DNAH6: variants seen among roughly 807,000 people sequenced by gnomAD.
The protein encoded by DNAH6 is axonemal beta dynein heavy chain 6.
A neutral mutation model predicts 491.4 loss-of-function variants in DNAH6; 340 were observed. That is an observed-to-expected ratio of 0.69 (90% CI 0.63 to 0.76). The LOEUF (loss-of-function observed/expected upper bound fraction) is 0.76. DNAH6 is among the 30% of genes least tolerant of loss of function. The pLI is 0.00. For synonymous variants in DNAH6, 1,603 were observed against 1,686.1 expected, an observed-to-expected ratio of 0.95 and a Z score of 1.21; for missense variants, 4,443 against 4,972.2, an observed-to-expected ratio of 0.89 and a Z score of 3.20.
intron 2 of DNAH6, among the ~76,000 whole-genome samples, chr2:84,522,013 G>A (rs1676192230): frequency 6.6e-6 from 1 of 152,094 alleles, no homozygotes; most frequent in African/African-American, 2.4e-5. Context: ...TGTGAAGAAT[G>A]TCATTTGTGT....
At chr2:84,598,116 T>A (rs1558773653) in intron 18 of DNAH6, among the ~76,000 whole-genome samples, 6 of 151,780 alleles carry the variant, frequency 4.0e-5, no homozygotes, top group Non-Finnish European at 5.9e-5. Context: ...TCGTGGTTCT[T>A]TCTATCTTTC....
At chr2:84,771,187 CTGAGGCAGGAGAACCACTTGAATCTG>C (rs1156341076) in intron 64 of DNAH6, among the ~76,000 whole-genome samples, 12 of 151,802 alleles carry the variant, frequency 7.9e-5, no homozygotes, top group Non-Finnish European at 1.6e-4. Flanking sequence ...ACTCAGGAGA[CTGAGGCAGGAGAACCACTTGAATCTG>C]GGAGGCAGAG....
intron 29 of DNAH6, among the ~76,000 whole-genome samples, chr2:84,630,644 G>A (rs1250408288): frequency 6.6e-6 from 1 of 152,224 alleles, no homozygotes; most frequent in Non-Finnish European, 1.5e-5. Flanking sequence ...CAAATGCAAT[G>A]TTTGTACCTT....
the DNAH6 span, among the ~76,000 whole-genome samples, chr2:84,474,880 A>G: frequency 6.6e-6 from 1 of 152,162 alleles, no homozygotes; most frequent in African/African-American, 2.4e-5. Context: ...GTTACTGTGC[A>G]AATAGGTTTT....
intron 11 of DNAH6, among the ~76,000 whole-genome samples, chr2:84,570,276 G>A (rs1681645966): frequency 1.3e-5 from 2 of 152,190 alleles, no homozygotes; most frequent in Admixed American, 6.5e-5. Flanking sequence ...TGGGTTGAGT[G>A]GGGACTTGGG....
chr2:84,805,591 A>G (rs1679339047), intron 70 of DNAH6, 74 bp from the exon 71 acceptor site: 1 of 1,358,948 alleles, frequency 7.4e-7, no homozygotes, highest in Non-Finnish European at 9.8e-7. Context: ...ACTTTTGTAA[A>G]TAATTATGTG....
chr2:84,727,950 C>G lies in DNAH6; in HGVS notation c.10206+48C>G, dbSNP rs1406139797. 4 of 1,204,074 alleles carry G rather than the reference C, an allele frequency of 3.3e-6. No individual in the cohort carries two copies. In the Admixed American group the frequency reaches 8.1e-5, roughly 24 times the overall value. 74.6% of individuals were successfully genotyped at this position (1,204,074 alleles called of 1,614,324 possible). A position where few individuals can be genotyped will look rare whatever the true frequency, so the allele number is the denominator to read the frequency against. On this transcript the variant is annotated intron_variant, in intron 61 of 76. Coordinates refer to ENST00000389394, the MANE Select transcript of DNAH6 (RefSeq NM_001370.2). ...ATGATTGATATGGTTTGGCTGTGTC[C>G]CCACCCAAATCTCATTTTGAATTGT... is the stretch of plus-strand genomic sequence containing the variant.
chr2:84,694,153 C>A, intron 45 of DNAH6, 96 bp from the exon 46 acceptor site: 1 of 1,092,542 alleles, frequency 9.2e-7, no homozygotes, highest in Non-Finnish European at 1.3e-6. Context: ...AGGGAGGAGG[C>A]TCCACTGGCC....
chr2:84,620,378 C>A (rs1457604413), intron 24 of DNAH6, among the ~76,000 whole-genome samples: 4 of 152,166 alleles, frequency 2.6e-5, no homozygotes, highest in African/African-American at 4.8e-5. Context: ...TAGTTGCTGG[C>A]AGCAGCATCT....
chr2:84,701,417 C>T, intron 49 of DNAH6, 78 bp downstream of exon 49: 2 of 1,382,056 alleles, frequency 1.4e-6, no homozygotes, highest in Non-Finnish European at 2.0e-6. Context: ...ACTCTATGCA[C>T]TGTCTTACCT....
chr2:84,477,719 A>G, the DNAH6 span, among the ~76,000 whole-genome samples: 12 of 152,328 alleles, frequency 7.9e-5, no homozygotes, highest in South Asian at 2.3e-3. Context: ...CCAAACAGAA[A>G]TTGACTGGGG....
In DNAH6 at chr2:84,613,697, G is replaced by A. The variant is rs74677969; in HGVS notation, c.3475+1843G>A. Among the ~76,000 whole-genome samples the A allele has an allele frequency of 3.5e-3, 533 of 152,198 alleles. 14 individuals carry two copies. In the East Asian group the frequency reaches 0.087, roughly 25 times the overall value. On this transcript the variant is annotated intron_variant, in intron 22 of 76. Transcript: ENST00000389394. ...TATAGAGACTGGCTTGGTTTGGAGA[G>A]TCAAGGAGAAGGCAACTGCTTGGCT...
At chr2:84,796,565 C>T in intron 69 of DNAH6, 140 bp downstream of exon 69, 1 of 576,104 alleles carries the variant, frequency 1.7e-6, no homozygotes, top group East Asian at 3.2e-5. Flanking sequence ...TGCTTGGCCA[C>T]CTTCAGAGCT....
chr2:84,459,773 G>T, the DNAH6 span: 35 of 152,828 alleles, frequency 2.3e-4, 1 homozygote, highest in South Asian at 3.9e-3. Flanking sequence ...TTCTCACCGC[G>T]TACCTGTGCC....
Position 84,785,757 on chromosome 2 carries a change from G to A in DNAH6, c.11100+1G>A. On this transcript the variant is annotated splice_donor_variant, in intron 67 of 76. Transcript: ENST00000389394. LOFTEE classifies it high-confidence loss of function. ...TTGTTTCTTCCATGCAATTATTCAGGTACACTCAACTCTGCTTTTCAATAG... is the reference window on the plus strand; with the variant it reads ...TTGTTTCTTCCATGCAATTATTCAGATACACTCAACTCTGCTTTTCAATAG... 1 of 1,528,894 alleles carries A rather than the reference G, an allele frequency of 6.5e-7. No homozygotes were observed. Among genetic ancestry groups the A allele is most frequent in the Non-Finnish European group, 8.8e-7 (1 of 1,137,914 alleles). The allele number at this position is 1,528,894 out of a possible 1,614,324, so 94.7% of individuals were successfully genotyped here.
intron 62 of DNAH6, among the ~76,000 whole-genome samples, chr2:84,740,681 T>G (rs1046620093): frequency 6.6e-5 from 10 of 152,198 alleles, no homozygotes; most frequent in Admixed American, 5.9e-4. Flanking sequence ...GGTGGGGCAC[T>G]GTTCCCCAAC....
chr2:84,602,288 C>T (rs983262295), intron 18 of DNAH6, among the ~76,000 whole-genome samples: 3 of 151,850 alleles, frequency 2.0e-5, no homozygotes, highest in African/African-American at 7.2e-5. Context: ...TTAATTTCCT[C>T]GGTTTTTATT....
the DNAH6 span, among the ~76,000 whole-genome samples, chr2:84,467,283 T>C: frequency 6.6e-6 from 1 of 152,000 alleles, no homozygotes; most frequent in African/African-American, 2.4e-5. Context: ...TCTTACAATC[T>C]TTTTTTTACC....
chr2:84,464,436 C>G, the DNAH6 span, among the ~76,000 whole-genome samples: 1 of 152,146 alleles, frequency 6.6e-6, no homozygotes, highest in Non-Finnish European at 1.5e-5. Flanking sequence ...TGATCCAGAT[C>G]CCAAGAGAGG....
Sources: gnomAD v4.1 joint callset for allele counts (sites outside exome capture counted in the v4.1 genomes callset) on GRCh38, gnomAD v4.1.1 for gene constraint, MANE v1.5 for transcripts, NCBI Gene and HGNC (gene_info 2026-07-23, HGNC 2026-07-21) for gene names.